The following EML1 variants were observed in gnomAD, a reference collection of about 807,000 sequenced individuals.
EML1 encodes echinoderm microtubule-associated protein-like 1.
EML1 carries 27 observed loss-of-function variants against 110.4 expected under a neutral mutation model. The ratio of observed to expected loss-of-function variants is 0.24; its 90% CI spans 0.18 to 0.34. The LOEUF (loss-of-function observed/expected upper bound fraction) is 0.34. Among genes scored for constraint, EML1 ranks in the 10% least tolerant of loss-of-function variants. The pLI is 1.00. For synonymous variants in EML1, 344 were observed against 385.8 expected (o/e 0.89, Z 1.27); for missense variants, 741 against 1,030.9 (o/e 0.72, Z 3.85).
At chr14:99,738,886 G>A (rs950502056) in intron 1 of EML1, among the ~76,000 whole-genome samples, 2 of 152,132 alleles carry the variant, frequency 1.3e-5, no homozygotes, top group Non-Finnish European at 2.9e-5. Flanking sequence ...TCGCTGGCAC[G>A]TGGATTCCTT....
chr14:99,778,204 CT>C (rs1419881401), intron 1 of EML1, among the ~76,000 whole-genome samples: 1 of 152,216 alleles, frequency 6.6e-6, no homozygotes, highest in Admixed American at 6.5e-5. Flanking sequence ...GATACATACC[CT>C]TCCTCTTCCT....
At chr14:99,896,979 G>A (rs1017313299) in intron 6 of EML1, among the ~76,000 whole-genome samples, 166 bp from the exon 7 acceptor site, 2 of 152,004 alleles carry the variant, frequency 1.3e-5, no homozygotes, top group Non-Finnish European at 2.9e-5. Flanking sequence ...ATGCCTTTTG[G>A]GGGTCACATG....
chr14:99,738,631 C>T (rs896331183), intron 1 of EML1, among the ~76,000 whole-genome samples: 5 of 152,238 alleles, frequency 3.3e-5, no homozygotes, highest in African/African-American at 1.2e-4. Flanking sequence ...GGTAGCTTAA[C>T]TTCTCTGAGC....
chr14:99,840,114 T>C (rs961565972), intron 1 of EML1, among the ~76,000 whole-genome samples: 4 of 152,244 alleles, frequency 2.6e-5, no homozygotes, highest in Non-Finnish European at 5.9e-5. Context: ...GAACAACGTA[T>C]AATATGGAAA....
upstream of EML1, among the ~76,000 whole-genome samples, chr14:99,770,892 C>T (rs1457270931): frequency 6.8e-6 from 1 of 147,476 alleles, no homozygotes; most frequent in Admixed American, 7.1e-5. Context: ...TCACGCCATT[C>T]GCCTGCCTCA....
intron 2 of EML1, among the ~76,000 whole-genome samples, chr14:99,860,230 G>C (rs1193203043): frequency 6.6e-6 from 1 of 152,032 alleles, no homozygotes; most frequent in African/African-American, 2.4e-5. Context: ...TTTTGGTGCT[G>C]TGTTTGTTGT....
intron 1 of EML1, among the ~76,000 whole-genome samples, chr14:99,845,330 T>C (rs141569843): frequency 0.017 from 2,647 of 152,350 alleles, 33 homozygotes; most frequent in Non-Finnish European, 0.026. Context: ...TCTATTTAAG[T>C]CTTTTGCCCA....
chr14:99,891,013 ATTGT>A (rs1407041147), intron 4 of EML1, among the ~76,000 whole-genome samples, 182 bp from the exon 5 acceptor site: 1 of 152,068 alleles, frequency 6.6e-6, no homozygotes, highest in Admixed American at 6.5e-5. Flanking sequence ...CACCTATGAG[ATTGT>A]TTATGATTGT....
chr14:99,856,199 G>A (rs995261924), intron 2 of EML1, among the ~76,000 whole-genome samples: 4 of 152,200 alleles, frequency 2.6e-5, no homozygotes, highest in Admixed American at 6.5e-5. Context: ...CCCAGGGCCC[G>A]GCTGGCATGT....
chr14:99,881,097 G>A (rs1010696854), intron 4 of EML1, among the ~76,000 whole-genome samples: 2 of 152,286 alleles, frequency 1.3e-5, no homozygotes, highest in East Asian at 1.9e-4. Flanking sequence ...ATAAGGCATC[G>A]GGCGGGAGCT....
At chr14:99,750,371 C>A (rs758005993) in intron 1 of EML1, among the ~76,000 whole-genome samples, 2 of 152,178 alleles carry the variant, frequency 1.3e-5, no homozygotes, top group Non-Finnish European at 2.9e-5. Context: ...GTGGGGGTCC[C>A]AGGCTGTTTC....
chr14:99,892,390 T>A (rs1225762715), intron 5 of EML1, among the ~76,000 whole-genome samples: 1 of 152,226 alleles, frequency 6.6e-6, no homozygotes, highest in African/African-American at 2.4e-5. Context: ...TGGCTGTAAT[T>A]TGGATCCCAA....
chr14:99,887,257 G>A (rs925703680), intron 4 of EML1, among the ~76,000 whole-genome samples: 2 of 152,128 alleles, frequency 1.3e-5, no homozygotes, highest in African/African-American at 4.8e-5. Flanking sequence ...GCATACAGCC[G>A]AGCTCTTTCA....
intron 1 of EML1, among the ~76,000 whole-genome samples, chr14:99,807,697 G>A (rs1474202366): frequency 1.3e-5 from 2 of 152,188 alleles, no homozygotes; most frequent in Non-Finnish European, 2.9e-5. Context: ...CTACCCAAGG[G>A]GAAGCCTGTT....
chr14:99,884,336 A>T (rs890507074), intron 4 of EML1, among the ~76,000 whole-genome samples: 4 of 152,208 alleles, frequency 2.6e-5, no homozygotes, highest in African/African-American at 9.7e-5. Context: ...AGAAATTCTG[A>T]AAATTGTTCT....
intron 1 of EML1, among the ~76,000 whole-genome samples, chr14:99,816,565 C>T (rs997974906): frequency 1.3e-5 from 2 of 152,252 alleles, no homozygotes; most frequent in African/African-American, 4.8e-5. Flanking sequence ...GGATGCTTCA[C>T]TCAGCTCGCC....
At chr14:99,910,208 A>AAT (rs768825418) in intron 11 of EML1, 34 bp from the exon 12 acceptor site, 13 of 1,394,558 alleles carry the variant, frequency 9.3e-6, no homozygotes, top group Middle Eastern at 4.8e-4. Flanking sequence ...GTATGGATTA[A>AAT]ATATATATAT....
At chr14:99,906,886 A>G (rs1168993771) in intron 9 of EML1, 1 of 152,316 alleles carries the variant, frequency 6.6e-6, no homozygotes, top group Non-Finnish European at 1.5e-5. Context: ...TCAGAAACCC[A>G]TATTCACACA....
intron 7 of EML1, among the ~76,000 whole-genome samples, chr14:99,897,556 C>T (rs1251888417): frequency 2.6e-5 from 4 of 152,076 alleles, no homozygotes; most frequent in South Asian, 2.1e-4. Context: ...CCTTGTGGTC[C>T]GCTCACTACT....
Sources: allele counts gnomAD v4.1 joint callset (sites outside exome capture counted in the v4.1 genomes callset), GRCh38; gene constraint gnomAD v4.1.1; transcripts MANE v1.5; gene names NCBI Gene and HGNC (gene_info 2026-07-23, HGNC 2026-07-21).